Variants in SLC4A2 observed in about 807,000 individuals in gnomAD.
SLC4A2 encodes anion exchange protein 2.
In SLC4A2, 36 loss-of-function variants were observed where a neutral mutation model predicts 115.0. The observed-to-expected ratio is 0.31, with a 90% confidence interval of 0.24 to 0.41. The LOEUF (loss-of-function observed/expected upper bound fraction) is 0.41. SLC4A2 is among the 10% of genes least tolerant of loss of function. SLC4A2 has a pLI of 1.00. For synonymous variants in SLC4A2, 708 were observed against 708.3 expected, an observed-to-expected ratio of 1.00 and a Z score of 0.01; for missense variants, 1,252 against 1,705.6, an observed-to-expected ratio of 0.73 and a Z score of 4.68.
chr7:151,064,775 G>T lies in SLC4A2; in HGVS notation c.459+8G>T, dbSNP rs746549584. Reference sequence around the variant, plus strand: ...ACACCCTCCTCGGTGCAGGTGCGCTGGGTGCGGGCTCCTAGGGCATGTCGG... The same window carrying T: ...ACACCCTCCTCGGTGCAGGTGCGCTTGGTGCGGGCTCCTAGGGCATGTCGG... On this transcript the variant is annotated splice_region_variant and intron_variant, in intron 4 of 22. Transcript: ENST00000413384. 3.7e-5 allele frequency: 60 copies of T among 1,607,336 alleles called. No individual in the cohort carries two copies. The highest frequency in any genetic ancestry group is 5.0e-5 in the Non-Finnish European group (59 of 1,175,230).
intron 2 of SLC4A2, among the ~76,000 whole-genome samples, chr7:151,062,379 C>A (rs1236079750): frequency 6.6e-6 from 1 of 152,176 alleles, no homozygotes; most frequent in Non-Finnish European, 1.5e-5. Context: ...AGTCTGCACG[C>A]GGGCCAGGGT....
In SLC4A2 at chr7:151,070,857, C is replaced by T; in HGVS notation, c.1695C>T (p.Ala565=). The change falls in exon 12 of 23, where the codon GCC becomes GCT. Residue 565 remains alanine, a synonymous_variant. Transcript: ENST00000413384. ...FLFLLLGPSS[A]NMDYHEIGRS... ...TCCTGCTGCTGGGCCCGAGTAGTGC[C>T]AACATGGACTACCACGAGATCGGCC... is the stretch of plus-strand genomic sequence containing the variant. 2 of 1,613,824 alleles carry T rather than the reference C, an allele frequency of 1.2e-6. No individual in the cohort carries two copies. Among genetic ancestry groups the T allele is most frequent in the Non-Finnish European group, 1.7e-6 (2 of 1,180,022 alleles).
chr7:151,072,710 C>G (rs1040642393), intron 16 of SLC4A2, among the ~76,000 whole-genome samples: 5 of 149,036 alleles, frequency 3.4e-5, no homozygotes, highest in Admixed American at 3.4e-4. Flanking sequence ...GGCTGGAGTG[C>G]AGTTTTGGTG....
chr7:151,071,860 T>C lies in SLC4A2; in HGVS notation c.2340+23T>C. The C allele has an allele frequency of 6.2e-7, 1 of 1,600,656 alleles. No homozygotes were observed. The highest frequency in any genetic ancestry group is 2.2e-5 in the East Asian group (1 of 44,714). ...TCGGTGAGGGCTCTTCTCGCCCATC[T>C]CCAGCCGCCCCTCCCGTGCCCTAGA... is the stretch of plus-strand genomic sequence containing the variant. On this transcript the variant is annotated intron_variant, in intron 15 of 22. Coordinates refer to ENST00000413384, the MANE Select transcript of SLC4A2 (RefSeq NM_003040.4). The surrounding 1 kb of genome is among the most constrained non-coding windows in gnomAD (Gnocchi z 5.5).
chr7:151,075,582 C>T (rs1170811552), intron 20 of SLC4A2, 24 bp from the exon 21 acceptor site: 2 of 1,585,846 alleles, frequency 1.3e-6, no homozygotes, highest in East Asian at 4.5e-5. Context: ...CCGGGGCCAA[C>T]TCTTTCTCCT....
At chr7:151,063,198 TGTGGGGGTGGGGTGAGGG>T in intron 2 of SLC4A2, 3 of 85,994 alleles carry the variant, frequency 3.5e-5, no homozygotes, top group Non-Finnish European at 4.9e-5. Flanking sequence ...AGGTGGGGGC[TGTGGGGGTGGGGTGAGGG>T]GTGGGGCTAG....
intron 7 of SLC4A2, 121 bp downstream of exon 7, chr7:151,067,114 A>G: frequency 9.3e-7 from 1 of 1,079,352 alleles, no homozygotes; most frequent in Non-Finnish European, 1.3e-6. Flanking sequence ...TGTTTGAGAC[A>G]GTCTCGCTCT....
intron 16 of SLC4A2, among the ~76,000 whole-genome samples, chr7:151,073,539 G>A (rs567181048): frequency 6.6e-6 from 1 of 152,122 alleles, no homozygotes; most frequent in African/African-American, 2.4e-5. Context: ...AAAGTGCTAG[G>A]ATTACAGGCG....
chr7:151,069,544 C>T (rs1460058926), intron 8 of SLC4A2, among the ~76,000 whole-genome samples: 1 of 152,128 alleles, frequency 6.6e-6, no homozygotes, highest in African/African-American at 2.4e-5. Context: ...AGAACTAGGC[C>T]CCTAGAGTGA....
intron 8 of SLC4A2, among the ~76,000 whole-genome samples, chr7:151,068,967 A>G (rs1445810745): frequency 1.3e-5 from 2 of 151,670 alleles, no homozygotes; most frequent in East Asian, 3.9e-4. Context: ...GTGAAATCCC[A>G]TCTCTACTAA....
At chr7:151,067,188 A>G (rs1044795024) in intron 7 of SLC4A2, among the ~76,000 whole-genome samples, 195 bp downstream of exon 7, 6 of 152,234 alleles carry the variant, frequency 3.9e-5, no homozygotes, top group African/African-American at 1.4e-4. Context: ...TCCTGGGTTT[A>G]AGCGATTCTC....
At chr7:151,059,157 T>C (rs914058934), upstream of SLC4A2, 5 of 152,158 alleles carry the variant, frequency 3.3e-5, no homozygotes, top group African/African-American at 1.2e-4. The surrounding 1 kb of genome is among the most constrained non-coding windows in gnomAD (Gnocchi z 5.8). Flanking sequence ...GGAGAGCCTC[T>C]AACAAGTTAC....
intron 2 of SLC4A2, chr7:151,063,191 TG>T: frequency 1.6e-5 from 1 of 63,954 alleles, no homozygotes; most frequent in Non-Finnish European, 2.2e-5. Flanking sequence ...ATGACTCAGG[TG>T]GGGGCTGTGG....
chr7:151,063,234 G>A, intron 2 of SLC4A2: 1 of 869,702 alleles, frequency 1.1e-6, no homozygotes. Context: ...TAGGGACCTG[G>A]CCCAGGGCTC....
chr7:151,074,873 G>A (rs950232454), intron 19 of SLC4A2, 32 bp downstream of exon 19: 11 of 1,558,864 alleles, frequency 7.1e-6, no homozygotes, highest in South Asian at 1.2e-5. Context: ...GGTGTGAGAG[G>A]CCAGAGCCCC....
chr7:151,069,658 A>G (rs1042911198), intron 8 of SLC4A2, among the ~76,000 whole-genome samples: 16 of 151,908 alleles, frequency 1.1e-4, no homozygotes, highest in African/African-American at 3.9e-4. Context: ...GCTTCCTGGA[A>G]GGGGTGTCTG....
In SLC4A2 at chr7:151,070,061, G is replaced by A. The variant is rs966914897; in HGVS notation, c.1262G>A (p.Arg421Gln). ...GCCGAGGACAGGGCCAACGTGCTGC[G>A]GGCTCTGCTGTTGAAACACAGGTGA... ...IKAEDRANVL[R>Q]ALLLKHSHPS... The change falls in exon 9 of 23, where the codon CGG becomes CAG. Residue 421 changes from arginine to glutamine, a missense_variant. Arg to Gln is a conservative substitution (Grantham distance 43). This residue lies in a region of SLC4A2 where 142 missense variants were observed against 153.5 expected (regional missense o/e 0.93). Transcript: ENST00000413384. 22 of 1,614,066 alleles carry A rather than the reference G, an allele frequency of 1.4e-5. No individual in the cohort carries two copies. The highest frequency in any genetic ancestry group is 1.6e-4 in the Middle Eastern group (1 of 6,062).
intron 2 of SLC4A2, chr7:151,063,306 C>G (rs1418304599): frequency 7.5e-6 from 6 of 795,946 alleles, no homozygotes; most frequent in Non-Finnish European, 1.1e-5. Flanking sequence ...CATTCCGGTC[C>G]CTGCGGGGCT....
intron 8 of SLC4A2, 57 bp downstream of exon 8, chr7:151,068,111 T>C: frequency 7.6e-7 from 1 of 1,317,668 alleles, no homozygotes; most frequent in African/African-American, 1.5e-5. Context: ...TTCTCCCACA[T>C]GGCCCCAAAT....
Sources: gnomAD v4.1 joint callset for allele counts (sites outside exome capture counted in the v4.1 genomes callset) on GRCh38, gnomAD v4.1.1 for gene constraint, gnomAD v4.1.1 regional missense constraint, Gnocchi (gnomAD v3.1) non-coding constraint, MANE v1.5 for transcripts, NCBI Gene and HGNC (gene_info 2026-07-23, HGNC 2026-07-21) for gene names.